Variants in TSGA10 observed in about 807,000 individuals in gnomAD.
TSGA10 encodes the protein testis-specific gene 10 protein.
A neutral mutation model predicts 96.6 loss-of-function variants in TSGA10; 43 were observed. That is an observed-to-expected ratio of 0.44 (90% CI 0.35 to 0.57). TSGA10 has a LOEUF of 0.57. Ranked by LOEUF, TSGA10 falls within the 20% of genes least tolerant of loss-of-function variation. TSGA10 has a pLI of 0.01. For missense variants in TSGA10, 703 were observed against 834.4 expected (o/e 0.84, Z 1.94); for synonymous variants, 229 against 269.9 (o/e 0.85, Z 1.48).
chr2:99,121,837 C>T (rs948864570), intron 2 of TSGA10, among the ~76,000 whole-genome samples: 1 of 152,154 alleles, frequency 6.6e-6, no homozygotes, highest in Admixed American at 6.5e-5. Context: ...GGTATCATAT[C>T]TAAGAACTTT....
At chr2:99,124,329 G>A (rs2092717642) in intron 2 of TSGA10, among the ~76,000 whole-genome samples, 1 of 152,180 alleles carries the variant, frequency 6.6e-6, no homozygotes, top group Admixed American at 6.5e-5. Flanking sequence ...TGGGGGGAAA[G>A]GGGCTAATTG....
rs573770570 is a variant in TSGA10, at chr2:99,001,834, C to T, written c.2073-3613G>A. Among the ~76,000 whole-genome samples, 19 of 152,088 alleles carry T rather than the reference C, an allele frequency of 1.2e-4. No homozygotes were observed. The East Asian group carries it at 1.9e-3, about 15-fold the overall frequency. ...AAACCATGGCGCGAAAACTACATGA[C>T]GCATGCACAAGCTTCAGTAGCCAAT... On this transcript the variant is annotated intron_variant, in intron 20 of 20. Coordinates refer to ENST00000393483, the MANE Select transcript of TSGA10 (RefSeq NM_025244.4).
At chr2:99,127,261 G>C (rs952851853) in intron 1 of TSGA10, 85 bp from the exon 2 acceptor site, 8 of 1,037,564 alleles carry the variant, frequency 7.7e-6, no homozygotes, top group Middle Eastern at 2.6e-4. Flanking sequence ...TTTGAAAATT[G>C]ATAATATTCT....
chr2:99,120,523 G>A (rs1179783883), intron 2 of TSGA10, among the ~76,000 whole-genome samples: 1 of 152,102 alleles, frequency 6.6e-6, no homozygotes, highest in African/African-American at 2.4e-5. Flanking sequence ...AGAATTTGCA[G>A]AATTGTCATT....
chr2:99,036,057 A>G (rs539974816), intron 16 of TSGA10, among the ~76,000 whole-genome samples: 173 of 152,276 alleles, frequency 1.1e-3, no homozygotes, highest in Middle Eastern at 3.4e-3. Context: ...TCGAATGTTC[A>G]AGATAATTCC....
chr2:99,142,219 T>C (rs1300239423), intron 1 of TSGA10: 1 of 152,260 alleles, frequency 6.6e-6, no homozygotes, highest in Non-Finnish European at 1.5e-5. Flanking sequence ...ATACCTACCA[T>C]GTCCCTTCTT....
chr2:99,125,471 C>T (rs1421988493), intron 2 of TSGA10: 1 of 152,136 alleles, frequency 6.6e-6, no homozygotes. Flanking sequence ...TAATTGCTTG[C>T]TGAAGCATTT....
At chr2:99,050,126 G>C (rs2083238602) in intron 16 of TSGA10, among the ~76,000 whole-genome samples, 1 of 151,998 alleles carries the variant, frequency 6.6e-6, no homozygotes, top group Admixed American at 6.6e-5. Context: ...CAAACTCAAA[G>C]CCAAAGTAAC....
chr2:99,025,573 T>G (rs1436940656), intron 17 of TSGA10, among the ~76,000 whole-genome samples: 2 of 152,146 alleles, frequency 1.3e-5, no homozygotes, highest in African/African-American at 4.8e-5. Flanking sequence ...CTTTGATTCT[T>G]GATTGTTTTC....
intron 1 of TSGA10, chr2:99,147,608 T>C: frequency 1.1e-6 from 1 of 907,796 alleles, no homozygotes. Context: ...CTTTTACGTT[T>C]GTTGATTTCA....
At chr2:99,070,144 A>T (rs2085768699) in intron 14 of TSGA10, among the ~76,000 whole-genome samples, 1 of 152,160 alleles carries the variant, frequency 6.6e-6, no homozygotes, top group Non-Finnish European at 1.5e-5. Context: ...TCTGATTATA[A>T]AAAATGTTTA....
chr2:99,014,249 T>C (rs545334219), intron 20 of TSGA10, among the ~76,000 whole-genome samples: 199 of 152,090 alleles, frequency 1.3e-3, no homozygotes, highest in African/African-American at 4.7e-3. Context: ...GCAGGAGAAC[T>C]GCTTGAACCT....
intron 10 of TSGA10, among the ~76,000 whole-genome samples, chr2:99,084,313 G>A (rs1483744584): frequency 1.3e-5 from 2 of 152,202 alleles, no homozygotes; most frequent in African/African-American, 4.8e-5. Flanking sequence ...GGGGCCTGGG[G>A]AAGAGATGAC....
At chr2:99,133,403 G>A (rs2093186391) in intron 1 of TSGA10, among the ~76,000 whole-genome samples, 1 of 152,110 alleles carries the variant, frequency 6.6e-6, no homozygotes, top group Non-Finnish European at 1.5e-5. Context: ...GACTAGAACT[G>A]CAACCCCTGC....
intron 2 of TSGA10, among the ~76,000 whole-genome samples, chr2:99,121,549 C>T (rs2092573022): frequency 4.2e-5 from 1 of 23,768 alleles, no homozygotes; most frequent in Non-Finnish European, 9.3e-5. Context: ...TCTCAGTTCA[C>T]TGCAACCTGC....
intron 20 of TSGA10, among the ~76,000 whole-genome samples, chr2:99,009,928 A>T (rs983756070): frequency 6.6e-6 from 1 of 152,154 alleles, no homozygotes; most frequent in African/African-American, 2.4e-5. Context: ...ATGGGGTAAA[A>T]TTTTTTAAAT....
chr2:99,124,527 TAC>T (rs777743075), intron 2 of TSGA10, among the ~76,000 whole-genome samples: 1 of 152,196 alleles, frequency 6.6e-6, no homozygotes, highest in Non-Finnish European at 1.5e-5. Context: ...CTCTATTATT[TAC>T]ATTTTGTATT....
intron 16 of TSGA10, among the ~76,000 whole-genome samples, chr2:99,059,503 G>C (rs1032919897): frequency 2.0e-5 from 3 of 151,980 alleles, no homozygotes; most frequent in Non-Finnish European, 4.4e-5. Flanking sequence ...GCCAGGCATA[G>C]TGGCAGGCAC....
At chr2:99,027,995 C>T (rs377619020) in intron 17 of TSGA10, among the ~76,000 whole-genome samples, 1 of 152,144 alleles carries the variant, frequency 6.6e-6, no homozygotes, top group African/African-American at 2.4e-5. Flanking sequence ...GTTTCCCTTG[C>T]GGTATATAGC....
Sources: gnomAD v4.1 joint callset for allele counts (sites outside exome capture counted in the v4.1 genomes callset) on GRCh38, gnomAD v4.1.1 for gene constraint, MANE v1.5 for transcripts, NCBI Gene and HGNC (gene_info 2026-07-23, HGNC 2026-07-21) for gene names.